The following COL28A1 variants were observed in gnomAD, a reference collection of about 807,000 sequenced individuals.
COL28A1 encodes the protein collagen alpha-1(XXVIII) chain.
Under a neutral mutation model 150.2 loss-of-function variants are expected in COL28A1, and 161 were observed. That is an observed-to-expected ratio of 1.07 (90% CI 0.94 to 1.22). COL28A1 has a LOEUF of 1.22. COL28A1 is among the 50% of genes most tolerant of loss of function. The pLI is 0.00. For synonymous variants in COL28A1, 552 were observed against 469.7 expected (o/e 1.18, Z -2.26); for missense variants, 1,617 against 1,388.3 (o/e 1.16, Z -2.62).
the COL28A1 span, among the ~76,000 whole-genome samples, chr7:7,542,256 G>A: frequency 3.3e-5 from 5 of 152,210 alleles, no homozygotes; most frequent in Admixed American, 6.5e-5. Flanking sequence ...GCTGAGGCAG[G>A]AGAATTGCTT....
At chr7:7,478,770 C>T (rs1020641259) in intron 13 of COL28A1, among the ~76,000 whole-genome samples, 5 of 152,256 alleles carry the variant, frequency 3.3e-5, no homozygotes, top group South Asian at 2.1e-4. Flanking sequence ...GTGCACCCTC[C>T]GCAGCTGCTG....
intron 26 of COL28A1, 139 bp from the exon 27 acceptor site, chr7:7,418,066 T>G: frequency 1.6e-6 from 1 of 611,776 alleles, no homozygotes; most frequent in Non-Finnish European, 2.8e-6. Flanking sequence ...TACTTCCTAT[T>G]TTACTTAGAG....
intron 11 of COL28A1, among the ~76,000 whole-genome samples, chr7:7,491,993 C>T (rs369822203): frequency 2.0e-5 from 3 of 152,108 alleles, no homozygotes; most frequent in Non-Finnish European, 4.4e-5. Context: ...CACACGTGTA[C>T]CTTTAATTTA....
intron 18 of COL28A1, among the ~76,000 whole-genome samples, chr7:7,451,083 G>T (rs80184376): frequency 0.021 from 3,156 of 152,260 alleles, 88 homozygotes; most frequent in African/African-American, 0.065. Context: ...GGGAGTGCCA[G>T]CAGGGACCTT....
At chr7:7,432,791 G>A (rs564694014) in intron 23 of COL28A1, 91 bp from the exon 24 acceptor site, 61 of 943,656 alleles carry the variant, frequency 6.5e-5, no homozygotes, top group African/African-American at 1.3e-4. Flanking sequence ...ATATGCCAAC[G>A]GTCGATTTCT....
At chr7:7,353,812 G>A (rs764833701), downstream of COL28A1, among the ~76,000 whole-genome samples, 3 of 152,028 alleles carry the variant, frequency 2.0e-5, no homozygotes, top group South Asian at 2.1e-4. Context: ...TTTTTCTCCC[G>A]TCAAAATAGC....
the COL28A1 span, among the ~76,000 whole-genome samples, chr7:7,341,850 CAG>C: frequency 6.6e-6 from 1 of 151,896 alleles, no homozygotes; most frequent in African/African-American, 2.4e-5. Context: ...TTTTATGGAC[CAG>C]TATATGGTCC....
chr7:7,406,082 AAAATC>A (rs2128301550), intron 27 of COL28A1, among the ~76,000 whole-genome samples: 1 of 152,302 alleles, frequency 6.6e-6, no homozygotes, highest in South Asian at 2.1e-4. Context: ...TCAATTTAAA[AAAATC>A]AAATCCAGCT....
chr7:7,495,653 C>T (rs1470587623), intron 11 of COL28A1, among the ~76,000 whole-genome samples: 3 of 152,140 alleles, frequency 2.0e-5, no homozygotes, highest in East Asian at 1.9e-4. Context: ...CATCCCAACA[C>T]CTATCAGTAT....
intron 25 of COL28A1, among the ~76,000 whole-genome samples, chr7:7,424,264 A>T (rs1247690514): frequency 2.0e-5 from 3 of 152,194 alleles, no homozygotes; most frequent in Non-Finnish European, 4.4e-5. Flanking sequence ...GAATCCACAG[A>T]AGTAGTGTCT....
chr7:7,339,995 T>C, the COL28A1 span, among the ~76,000 whole-genome samples: 1 of 152,094 alleles, frequency 6.6e-6, no homozygotes, highest in Non-Finnish European at 1.5e-5. Context: ...ATTGTTTTTG[T>C]TTTTGTTTTC....
At chr7:7,515,131 T>G (rs1781350888) in intron 8 of COL28A1, among the ~76,000 whole-genome samples, 1 of 152,140 alleles carries the variant, frequency 6.6e-6, no homozygotes, top group Admixed American at 6.6e-5. Context: ...TAGGTGCATG[T>G]TCTGATTCAG....
chr7:7,540,650 A>T (rs1406678670), upstream of COL28A1, among the ~76,000 whole-genome samples: 1 of 152,224 alleles, frequency 6.6e-6, no homozygotes, highest in Admixed American at 6.5e-5. Flanking sequence ...GTGCTTGAGC[A>T]GGAGAAAAAG....
chr7:7,497,833 C>T (rs1458142344), intron 11 of COL28A1, among the ~76,000 whole-genome samples: 3 of 152,142 alleles, frequency 2.0e-5, no homozygotes, highest in Non-Finnish European at 4.4e-5. Flanking sequence ...TTATAACTGG[C>T]AATACTGTGA....
At chr7:7,537,309 G>A (rs1782679049), upstream of COL28A1, among the ~76,000 whole-genome samples, 1 of 152,166 alleles carries the variant, frequency 6.6e-6, no homozygotes, top group Non-Finnish European at 1.5e-5. Flanking sequence ...AATGGGCAAA[G>A]CTTTGGGATG....
chr7:7,378,762 C>G (rs894572531), intron 30 of COL28A1, among the ~76,000 whole-genome samples: 1 of 152,130 alleles, frequency 6.6e-6, no homozygotes, highest in Non-Finnish European at 1.5e-5. Flanking sequence ...TTGTGTGTCT[C>G]CATTTGATGT....
chr7:7,458,193 G>A (rs1411539577), intron 15 of COL28A1, among the ~76,000 whole-genome samples: 1 of 152,262 alleles, frequency 6.6e-6, no homozygotes, highest in South Asian at 2.1e-4. Flanking sequence ...GAGGTGGGCG[G>A]ATCCCCTGAG....
intron 23 of COL28A1, 109 bp from the exon 24 acceptor site, chr7:7,432,809 G>A: frequency 2.5e-6 from 2 of 807,472 alleles, no homozygotes; most frequent in Non-Finnish European, 4.2e-6. Flanking sequence ...TCTAACCCGG[G>A]AGTTAGAAAA....
At chr7:7,519,936 T>G (rs1385032341) in intron 6 of COL28A1, 126 bp downstream of exon 6, 2 of 567,322 alleles carry the variant, frequency 3.5e-6, no homozygotes, top group Non-Finnish European at 6.3e-6. Flanking sequence ...AAATCCTGTA[T>G]TCTTCACAAA....
Sources: gnomAD v4.1 joint callset for allele counts (sites outside exome capture counted in the v4.1 genomes callset) on GRCh38, gnomAD v4.1.1 for gene constraint, MANE v1.5 for transcripts, NCBI Gene and HGNC (gene_info 2026-07-23, HGNC 2026-07-21) for gene names.